Variants in MFAP3L observed in about 807,000 individuals in gnomAD.
The protein encoded by MFAP3L is microfibril associated protein 3 like.
MFAP3L carries 5 observed loss-of-function variants against 20.0 expected under a neutral mutation model. The ratio of observed to expected loss-of-function variants is 0.25; its 90% CI spans 0.13 to 0.53. The LOEUF is 0.53. Ranked by LOEUF, MFAP3L falls within the 20% of genes least tolerant of loss-of-function variation. The pLI is 0.96. For missense variants in MFAP3L, 409 were observed against 527.5 expected (o/e 0.78, Z 2.20); for synonymous variants, 219 against 213.0 (o/e 1.03, Z -0.25).
At chr4:169,997,746 A>T in intron 2 of MFAP3L, 1 of 983,066 alleles carries the variant, frequency 1.0e-6, no homozygotes, top group Non-Finnish European at 1.2e-6. Flanking sequence ...ATCACACACA[A>T]CTCACCGCAG....
Position 169,991,768 on chromosome 4 carries a change from G to A in MFAP3L, c.840C>T (p.Ala280=), listed in dbSNP as rs1737717291. 3.1e-6 allele frequency: 5 copies of A among 1,613,878 alleles called. No homozygotes were observed. Among genetic ancestry groups the A allele is most frequent in the African/African-American group, 1.3e-5 (1 of 74,840 alleles). ...FVRHTPEGQE[A]ADRDEVYTIP... ...TTGTGTAGACCTCATCCCTGTCTGC[G>A]GCCTCCTGGCCCTCTGGAGTATGCC... The change falls in exon 3 of 3, where the codon GCC becomes GCT. Residue 280 remains alanine (A), a synonymous_variant. Transcript: ENST00000361618. The surrounding 1 kb of genome is among the most constrained non-coding windows in gnomAD (Gnocchi z 4.9).
At chr4:170,022,926 C>T (rs1740128022) in intron 1 of MFAP3L, among the ~76,000 whole-genome samples, 1 of 152,164 alleles carries the variant, frequency 6.6e-6, no homozygotes, top group Non-Finnish European at 1.5e-5. Context: ...GCATTGGGCC[C>T]ACCTGTATAA....
chr4:169,991,796 A>C lies in MFAP3L; in HGVS notation c.812T>G (p.Val271Gly), dbSNP rs1409735740. The C allele has an allele frequency of 6.2e-7, 1 of 1,614,018 alleles. No homozygotes were observed. The highest frequency in any genetic ancestry group is 2.2e-5 in the East Asian group (1 of 44,882). ...CTCCTGGCCCTCTGGAGTATGCCTC[A>C]CAAAATTCTGCCCCTGCTCCTCCAG... ...VGLEEQGQNF[V>G]RHTPEGQEAA... The change falls in exon 3 of 3, where the codon GTG (valine) becomes GGG (glycine). Residue 271 changes from valine (V) to glycine (G), a missense_variant. By Grantham distance (109) the Val-to-Gly change is moderately radical (BLOSUM62 -3). Transcript: ENST00000361618. The surrounding 1 kb of genome is among the most constrained non-coding windows in gnomAD (Gnocchi z 4.9).
At position 169,992,025 on chromosome 4, in the gene MFAP3L, C is replaced by A. The variant is rs1737744892; in HGVS notation, c.583G>T (p.Ala195Ser). 3.7e-6 allele frequency: 6 copies of A among 1,614,204 alleles called. No homozygotes were observed. Among genetic ancestry groups the A allele is most frequent in the Non-Finnish European group, 5.1e-6 (6 of 1,180,044 alleles). The change falls in exon 3 of 3, where the codon GCA (alanine) becomes TCA (serine). Residue 195 changes from alanine (A) to serine (S), a missense_variant. Transcript: ENST00000361618. The surrounding 1 kb of genome is among the most constrained non-coding windows in gnomAD (Gnocchi z 4.3). ...AINEFFRTEG[A>S]EKLQKAFEIA... Reference sequence around the variant, plus strand: ...TCAAATGCCTTCTGCAGCTTCTCTGCACCTTCGGTCCTAAAGAACTCATTG... The same window carrying A: ...TCAAATGCCTTCTGCAGCTTCTCTGAACCTTCGGTCCTAAAGAACTCATTG...
chr4:169,997,235 G>A (rs1738244237), intron 2 of MFAP3L, among the ~76,000 whole-genome samples: 1 of 151,988 alleles, frequency 6.6e-6, no homozygotes, highest in South Asian at 2.1e-4. Flanking sequence ...AATTAATGGA[G>A]GATATAAAAT....
chr4:170,003,804 C>T, intron 2 of MFAP3L: 2 of 985,454 alleles, frequency 2.0e-6, no homozygotes, highest in Non-Finnish European at 2.4e-6. Flanking sequence ...CCTGCAGTGT[C>T]TTTGTTACCA....
intron 2 of MFAP3L, among the ~76,000 whole-genome samples, chr4:170,000,623 T>C (rs765094384): frequency 1.3e-5 from 2 of 152,196 alleles, no homozygotes; most frequent in African/African-American, 2.4e-5. Flanking sequence ...AAAGACTATA[T>C]AGGGTTATTC....
At chr4:170,005,455 T>C in intron 2 of MFAP3L, 125 bp downstream of exon 2, 1 of 1,129,680 alleles carries the variant, frequency 8.9e-7, no homozygotes, top group South Asian at 1.5e-5. Flanking sequence ...CTCTCCTGCC[T>C]TAGAAAAACA....
intron 1 of MFAP3L, among the ~76,000 whole-genome samples, chr4:170,014,643 C>T (rs1009916971): frequency 2.6e-5 from 4 of 152,190 alleles, no homozygotes; most frequent in African/African-American, 7.2e-5. Flanking sequence ...ATATGCTTTC[C>T]TAATATGACT....
At chr4:170,019,481 C>A (rs1400379789) in intron 1 of MFAP3L, among the ~76,000 whole-genome samples, 1 of 152,138 alleles carries the variant, frequency 6.6e-6, no homozygotes, top group East Asian at 1.9e-4. Flanking sequence ...GAGTTTGAGG[C>A]TACAGTGAGC....
chr4:169,991,359 T>A lies in MFAP3L; in HGVS notation c.*19A>T, dbSNP rs752320825. 1.2e-6 allele frequency: 2 copies of A among 1,603,872 alleles called. No individual in the cohort carries two copies. The highest frequency in any genetic ancestry group is 2.2e-5 in the South Asian group (2 of 89,804). ...CAGCCCCTGATTTTCTTGATATGCA[T>A]AGCTTTTCGGGGTTGGTATTAGACA... On this transcript the variant is annotated 3_prime_UTR_variant, in exon 3 of 3. Transcript: ENST00000361618. The surrounding 1 kb of genome is among the most constrained non-coding windows in gnomAD (Gnocchi z 4.9).
At position 169,991,100 on chromosome 4, in the gene MFAP3L, T is replaced by A. The variant is rs1737627800; in HGVS notation, c.*278A>T. Reference sequence around the variant, plus strand: ...TCTTTGCCAAGAAGGCATCACCAATTAAGGTATTTGGCAGAGATCAGCCTC... The same window carrying A: ...TCTTTGCCAAGAAGGCATCACCAATAAAGGTATTTGGCAGAGATCAGCCTC... On this transcript the variant is annotated 3_prime_UTR_variant, in exon 3 of 3. Transcript: ENST00000361618. This position sits in a 1 kb window ranked among gnomAD's most constrained non-coding sequence, Gnocchi z 4.9. The A allele has an allele frequency of 2.1e-6, 1 of 467,074 alleles. No individual in the cohort carries two copies. The highest frequency in any genetic ancestry group is 1.9e-5 in the African/African-American group (1 of 51,382). 28.9% of individuals were successfully genotyped at this position (467,074 alleles called of 1,614,324 possible).
intron 1 of MFAP3L, among the ~76,000 whole-genome samples, chr4:170,016,121 T>C (rs1308055962): frequency 2.0e-5 from 3 of 152,276 alleles, no homozygotes; most frequent in East Asian, 1.9e-4. Context: ...TATTATTTAA[T>C]GATTAGTAAC....
At position 169,990,638 on chromosome 4, in the gene MFAP3L, T is replaced by A. The variant is rs549646387; in HGVS notation, c.*740A>T. On this transcript the variant is annotated 3_prime_UTR_variant, in exon 3 of 3. Coordinates refer to ENST00000361618, the MANE Select transcript of MFAP3L (RefSeq NM_021647.8). Reference sequence around the variant, plus strand: ...ACATTTTTGACTATTAAAGTGCTATTCCGGGGCAAAGTTTTTCTCAGTTTC... The same window carrying A: ...ACATTTTTGACTATTAAAGTGCTATACCGGGGCAAAGTTTTTCTCAGTTTC... The A allele has an allele frequency of 1.3e-5, 2 of 152,728 alleles. No homozygotes were observed. The highest frequency in any genetic ancestry group is 3.9e-4 in the East Asian group (2 of 5,188). The allele number at this position is 152,728 out of a possible 1,614,324, so 9.5% of individuals were successfully genotyped here. A position where few individuals can be genotyped will look rare whatever the true frequency, so the allele number is the denominator to read the frequency against.
intron 1 of MFAP3L, among the ~76,000 whole-genome samples, chr4:170,024,713 A>G (rs1174917363): frequency 6.6e-6 from 1 of 152,182 alleles, no homozygotes; most frequent in East Asian, 1.9e-4. Context: ...TGTTGTCTGG[A>G]TGTTTCAAGC....
chr4:169,993,200 C>G (rs894883168), intron 2 of MFAP3L, among the ~76,000 whole-genome samples: 1 of 152,076 alleles, frequency 6.6e-6, no homozygotes, highest in African/African-American at 2.4e-5. Context: ...GGTCAAAGAC[C>G]CCTGTGAAAC....
At chr4:170,000,310 A>C (rs892410616) in intron 2 of MFAP3L, among the ~76,000 whole-genome samples, 14 of 152,212 alleles carry the variant, frequency 9.2e-5, no homozygotes, top group African/African-American at 2.7e-4. Context: ...TTTCTTTTGC[A>C]TTTGCTGAGT....
At chr4:170,014,098 A>G (rs1306829245) in intron 1 of MFAP3L, among the ~76,000 whole-genome samples, 1 of 152,166 alleles carries the variant, frequency 6.6e-6, no homozygotes, top group Non-Finnish European at 1.5e-5. Flanking sequence ...GTCTATATTC[A>G]ACCTAAGCTG....
upstream of MFAP3L, chr4:170,027,264 T>C (rs1730511323): frequency 6.8e-6 from 1 of 146,446 alleles, no homozygotes; most frequent in Non-Finnish European, 1.5e-5. Flanking sequence ...ACAGAGACTC[T>C]CAATTTCTGG....
Sources: gnomAD v4.1 joint callset for allele counts (sites outside exome capture counted in the v4.1 genomes callset) on GRCh38, gnomAD v4.1.1 for gene constraint, Gnocchi (gnomAD v3.1) non-coding constraint, MANE v1.5 for transcripts, NCBI Gene and HGNC (gene_info 2026-07-23, HGNC 2026-07-21) for gene names.